SP4: variants seen among roughly 807,000 people sequenced by gnomAD.
The protein encoded by SP4 is Sp4 transcription factor.
A neutral mutation model predicts 72.8 loss-of-function variants in SP4; 19 were observed. The observed-to-expected ratio is 0.26, with a 90% CI of 0.18 to 0.38. SP4 has a LOEUF of 0.38. SP4 is among the 10% of genes least tolerant of loss of function. SP4 has a pLI of 1.00. For synonymous variants in SP4, 395 were observed against 333.1 expected (o/e 1.19, Z -2.02); for missense variants, 1,008 against 926.3 (o/e 1.09, Z -1.14).
intron 4 of SP4, among the ~76,000 whole-genome samples, chr7:21,478,164 A>C (rs1242544891): frequency 6.6e-6 from 1 of 152,168 alleles, no homozygotes; most frequent in East Asian, 1.9e-4. Flanking sequence ...TAATGTTTTC[A>C]AGGTTCAACC....
chr7:21,465,657 C>T (rs1784144572), intron 3 of SP4, among the ~76,000 whole-genome samples: 1 of 152,138 alleles, frequency 6.6e-6, no homozygotes, highest in Admixed American at 6.5e-5. Flanking sequence ...CCTAGAAAGT[C>T]CCTTCTTTAA....
chr7:21,495,551 C>T (rs529194791), intron 5 of SP4, among the ~76,000 whole-genome samples: 71 of 152,112 alleles, frequency 4.7e-4, no homozygotes, highest in Admixed American at 1.1e-3. Flanking sequence ...TACTGTACAC[C>T]TATTAGAATG....
intron 3 of SP4, among the ~76,000 whole-genome samples, chr7:21,464,124 T>C (rs1027929397): frequency 1.4e-5 from 2 of 142,776 alleles, no homozygotes; most frequent in African/African-American, 2.6e-5. Context: ...GGCGCTCTCT[T>C]TTTTTTTTTT....
chr7:21,461,927 G>A (rs573886049), intron 3 of SP4, among the ~76,000 whole-genome samples: 2 of 152,242 alleles, frequency 1.3e-5, no homozygotes, highest in Admixed American at 6.5e-5. Context: ...GTAGAATGAC[G>A]ATGTCAGACC....
rs1205065840 is a variant in SP4 at position 21,461,542 on chromosome 7, A to G, written c.1679-15537A>G. Among the ~76,000 whole-genome samples the G allele has an allele frequency of 2.0e-5, 3 of 152,186 alleles. No individual in the cohort carries two copies. The East Asian group carries it at 5.8e-4, about 29-fold the overall frequency. On this transcript the variant is annotated intron_variant, in intron 3 of 5. Transcript: ENST00000222584. ...CCGGCAGGCCAGCCGCTCCAAGTGCAGGGCCCGCCAAGCCCACACCCACCC... is the reference window on the plus strand; with the variant it reads ...CCGGCAGGCCAGCCGCTCCAAGTGCGGGGCCCGCCAAGCCCACACCCACCC...
chr7:21,445,011 GT>G (rs1170110541), intron 3 of SP4, among the ~76,000 whole-genome samples: 1 of 152,120 alleles, frequency 6.6e-6, no homozygotes, highest in Non-Finnish European at 1.5e-5. Flanking sequence ...TAGAAAGAAA[GT>G]TTTTATTACT....
intron 3 of SP4, among the ~76,000 whole-genome samples, chr7:21,466,070 CTTT>C (rs1010735063): frequency 4.6e-5 from 7 of 152,216 alleles, no homozygotes; most frequent in African/African-American, 1.7e-4. Flanking sequence ...TTCATTGTTT[CTTT>C]TTGACAGTAA....
At chr7:21,451,272 G>C (rs1418713170) in intron 3 of SP4, among the ~76,000 whole-genome samples, 1 of 152,182 alleles carries the variant, frequency 6.6e-6, no homozygotes, top group Non-Finnish European at 1.5e-5. Flanking sequence ...CTGATTGCCA[G>C]CTTCAGGTGT....
At chr7:21,500,604 G>T (rs2128415842) in intron 5 of SP4, among the ~76,000 whole-genome samples, 1 of 152,232 alleles carries the variant, frequency 6.6e-6, no homozygotes, top group Non-Finnish European at 1.5e-5. Context: ...GTAGGTCCTT[G>T]TTTCCTTGCC....
At chr7:21,506,512 A>G (rs961742480) in intron 5 of SP4, among the ~76,000 whole-genome samples, 3 of 152,150 alleles carry the variant, frequency 2.0e-5, no homozygotes, top group East Asian at 1.9e-4. Flanking sequence ...GTTGAAATCT[A>G]TAATTCCCTT....
chr7:21,482,153 A>C, intron 5 of SP4, 30 bp downstream of exon 5: 1 of 1,543,806 alleles, frequency 6.5e-7, no homozygotes, highest in Non-Finnish European at 8.9e-7. Flanking sequence ...TGTACTTTTT[A>C]CTTATTTCTT....
chr7:21,503,401 G>A (rs915964233), intron 5 of SP4, among the ~76,000 whole-genome samples: 5 of 152,156 alleles, frequency 3.3e-5, no homozygotes, highest in Non-Finnish European at 7.3e-5. Flanking sequence ...TTTGGTTCAA[G>A]GCATTTTAGT....
chr7:21,473,576 A>T (rs1784411208), intron 3 of SP4, among the ~76,000 whole-genome samples: 2 of 152,314 alleles, frequency 1.3e-5, no homozygotes, highest in South Asian at 2.1e-4. Context: ...AATTTAAGAC[A>T]AATAAGACAA....
intron 5 of SP4, among the ~76,000 whole-genome samples, chr7:21,502,929 C>CT (rs2128416401): frequency 6.6e-6 from 1 of 152,224 alleles, no homozygotes; most frequent in African/African-American, 2.4e-5. Flanking sequence ...TCAGAGTTAA[C>CT]TTTAAGGGTT....
At chr7:21,497,900 A>G (rs910555922) in intron 5 of SP4, among the ~76,000 whole-genome samples, 4 of 152,238 alleles carry the variant, frequency 2.6e-5, no homozygotes, top group African/African-American at 7.2e-5. Context: ...CTATAAATTC[A>G]TGGTCTCAAA....
intron 3 of SP4, among the ~76,000 whole-genome samples, chr7:21,457,871 T>C (rs759687168): frequency 3.9e-5 from 6 of 152,116 alleles, no homozygotes; most frequent in Admixed American, 2.6e-4. Context: ...GTAGAAATAA[T>C]CTTGAACTAT....
chr7:21,455,518 C>T (rs774728012), intron 3 of SP4, among the ~76,000 whole-genome samples: 1 of 152,154 alleles, frequency 6.6e-6, no homozygotes, highest in Non-Finnish European at 1.5e-5. Flanking sequence ...CTGAATAGGA[C>T]ATCCCCCATT....
intron 3 of SP4, among the ~76,000 whole-genome samples, chr7:21,461,189 T>C (rs1171406841): frequency 6.6e-6 from 1 of 152,148 alleles, no homozygotes; most frequent in Non-Finnish European, 1.5e-5. Context: ...TCCCGTGCCA[T>C]GCGCCCGCAC....
At chr7:21,456,872 A>G (rs1210015804) in intron 3 of SP4, among the ~76,000 whole-genome samples, 1 of 152,142 alleles carries the variant, frequency 6.6e-6, no homozygotes, top group Non-Finnish European at 1.5e-5. Context: ...TCCCATCCCC[A>G]CAAGCTATCT....
Sources: gnomAD v4.1 joint callset for allele counts (sites outside exome capture counted in the v4.1 genomes callset) on GRCh38, gnomAD v4.1.1 for gene constraint, MANE v1.5 for transcripts, NCBI Gene and HGNC (gene_info 2026-07-23, HGNC 2026-07-21) for gene names.